ATG7: variants seen among roughly 807,000 people sequenced by gnomAD.
ATG7 encodes the protein ubiquitin-like modifier-activating enzyme ATG7.
In ATG7, 70 loss-of-function variants were observed where a neutral mutation model predicts 82.4. The observed-to-expected ratio is 0.85, with a 90% CI of 0.70 to 1.04. The LOEUF is 1.04. Ranked by LOEUF, ATG7 falls within the 50% of genes least tolerant of loss-of-function variation. The pLI is 0.00. For missense variants in ATG7, 792 were observed against 864.3 expected (o/e 0.92, Z 1.05); for synonymous variants, 287 against 313.0 (o/e 0.92, Z 0.88).
intron 5 of ATG7, among the ~76,000 whole-genome samples, chr3:11,299,970 G>A (rs866481920): frequency 6.6e-5 from 10 of 151,606 alleles, no homozygotes; most frequent in Non-Finnish European, 1.2e-4. Flanking sequence ...TGTCACCCAG[G>A]CTGGAGTGTA....
chr3:11,306,586 TG>T (rs987557568), intron 5 of ATG7, among the ~76,000 whole-genome samples: 1 of 152,106 alleles, frequency 6.6e-6, no homozygotes, highest in Non-Finnish European at 1.5e-5. Flanking sequence ...AACCTTTAAA[TG>T]GGGGAAAAGA....
At chr3:11,290,706 T>TA (rs1286564985) in intron 3 of ATG7, 4 of 211,906 alleles carry the variant, frequency 1.9e-5, no homozygotes, top group Non-Finnish European at 2.0e-5. Context: ...TTTTTTGAGA[T>TA]AGAGTTTCAC....
At chr3:11,506,705 G>A (rs1246161577) in intron 20 of ATG7, among the ~76,000 whole-genome samples, 1 of 151,876 alleles carries the variant, frequency 6.6e-6, no homozygotes, top group African/African-American at 2.4e-5. Context: ...TTGTGCCACT[G>A]CACTCCAGCC....
chr3:11,322,791 C>T (rs1309006466), intron 9 of ATG7, among the ~76,000 whole-genome samples: 1 of 152,124 alleles, frequency 6.6e-6, no homozygotes, highest in South Asian at 2.1e-4. Flanking sequence ...TGTCTAGATG[C>T]GGAATTACTG....
At chr3:11,299,005 C>A in intron 4 of ATG7, 150 bp downstream of exon 4, 2 of 851,432 alleles carry the variant, frequency 2.3e-6, no homozygotes, top group South Asian at 2.0e-5. Flanking sequence ...ACTTTTTGAT[C>A]CCAGTTCATT....
chr3:11,366,175 C>T (rs1454154702), intron 18 of ATG7, among the ~76,000 whole-genome samples: 2 of 148,276 alleles, frequency 1.3e-5, no homozygotes, highest in Middle Eastern at 3.5e-3. Context: ...GCTAAGATCG[C>T]GCCATTGCAC....
chr3:11,488,134 C>T (rs1254842645), intron 20 of ATG7, among the ~76,000 whole-genome samples: 2 of 37,852 alleles, frequency 5.3e-5, no homozygotes, highest in East Asian at 6.1e-4. Context: ...GGATGGCGGC[C>T]GGGCGGAGAC....
intron 13 of ATG7, 78 bp downstream of exon 13, chr3:11,342,357 T>C: frequency 6.7e-7 from 1 of 1,492,348 alleles, no homozygotes; most frequent in South Asian, 1.3e-5. Flanking sequence ...ATGATTGCCT[T>C]CCATCTCCCA....
At chr3:11,339,741 A>G (rs556793942) in intron 11 of ATG7, among the ~76,000 whole-genome samples, 30 of 152,200 alleles carry the variant, frequency 2.0e-4, no homozygotes, top group Non-Finnish European at 2.9e-4. Context: ...TGAGATTGTA[A>G]TTGGTATACA....
chr3:11,379,848 T>C, intron 18 of ATG7, 124 bp from the exon 19 acceptor site: 2 of 898,516 alleles, frequency 2.2e-6, no homozygotes, highest in South Asian at 1.4e-5. Context: ...TTATTTTTGC[T>C]CATAATCTCT....
intron 5 of ATG7, among the ~76,000 whole-genome samples, chr3:11,302,436 C>T (rs574093955): frequency 6.6e-6 from 1 of 152,228 alleles, no homozygotes; most frequent in East Asian, 1.9e-4. Context: ...TGTATATCTG[C>T]ATGGGTTGGT....
intron 20 of ATG7, chr3:11,477,222 TC>T (rs1368342360): frequency 3.7e-5 from 47 of 1,286,736 alleles, no homozygotes; most frequent in Non-Finnish European, 4.7e-5. Context: ...GTGAATGGAA[TC>T]TTTTATTCCT....
rs770654475 is a variant in ATG7 at position 11,309,080 on chromosome 3, G to T, written c.411+19G>T. 1 of 1,603,550 alleles carries T rather than the reference G, an allele frequency of 6.2e-7. No homozygotes were observed. On this transcript the variant is annotated intron_variant, in intron 7 of 20. Transcript: ENST00000693202. ...ATTTGCAGTAAGTAAATGGGCTCTC[G>T]GTTGCACCGAGGTTGGTGAAATCCC...
chr3:11,565,153 T>C, the ATG7 span: 1 of 921,606 alleles, frequency 1.1e-6, no homozygotes, highest in Non-Finnish European at 1.5e-6. The surrounding 1 kb of genome is among the most constrained non-coding windows in gnomAD (Gnocchi z 4.1). Flanking sequence ...GGCAGCACGA[T>C]GAGGAGCCGG....
intron 20 of ATG7, among the ~76,000 whole-genome samples, chr3:11,454,432 A>G (rs2085498413): frequency 6.6e-6 from 1 of 152,222 alleles, no homozygotes; most frequent in African/African-American, 2.4e-5. Flanking sequence ...ATTTGACGGC[A>G]TGAGTCTGGG....
At chr3:11,384,910 T>C (rs2078199495) in intron 19 of ATG7, among the ~76,000 whole-genome samples, 1 of 152,184 alleles carries the variant, frequency 6.6e-6, no homozygotes, top group African/African-American at 2.4e-5. Context: ...GCCATGGCAC[T>C]ATAGCCTGGG....
intron 19 of ATG7, among the ~76,000 whole-genome samples, chr3:11,384,692 G>GC (rs1201776734): frequency 6.6e-6 from 1 of 152,182 alleles, no homozygotes; most frequent in African/African-American, 2.4e-5. Context: ...AGGCATGGTG[G>GC]CTCACACCTG....
chr3:11,317,887 G>A (rs1005962645), intron 9 of ATG7, among the ~76,000 whole-genome samples: 3 of 152,294 alleles, frequency 2.0e-5, no homozygotes, highest in Non-Finnish European at 2.9e-5. Context: ...CACTGTGCCC[G>A]GCCACAAGCC....
At chr3:11,574,785 ATGTGTGTGTGTGTGTGTGTGTG>A in the ATG7 span, among the ~76,000 whole-genome samples, 39 of 121,700 alleles carry the variant, frequency 3.2e-4, no homozygotes, top group South Asian at 6.5e-4. Flanking sequence ...TCAACTATAT[ATGTGTGTGTGTGTGTGTGTGTG>A]TGTGTGTGTG....
Sources: gnomAD v4.1 joint callset for allele counts (sites outside exome capture counted in the v4.1 genomes callset) on GRCh38, gnomAD v4.1.1 for gene constraint, Gnocchi (gnomAD v3.1) non-coding constraint, MANE v1.5 for transcripts, NCBI Gene and HGNC (gene_info 2026-07-23, HGNC 2026-07-21) for gene names.